The following MMP26 variants were observed in gnomAD, a reference collection of about 807,000 sequenced individuals.
MMP26 encodes matrix metalloproteinase-26.
A neutral mutation model predicts 31.0 loss-of-function variants in MMP26; 33 were observed. The ratio of observed to expected loss-of-function variants is 1.06; its 90% CI spans 0.81 to 1.42. MMP26 has a LOEUF of 1.42. MMP26 is among the 40% of genes most tolerant of loss of function. The probability of loss-of-function intolerance (pLI) is 0.00; values close to 1 mark genes in which losing one functional copy is unlikely to be tolerated. For missense variants in MMP26, 347 were observed against 316.1 expected, an observed-to-expected ratio of 1.10 and a Z score of -0.74; for synonymous variants, 122 against 114.9, an observed-to-expected ratio of 1.06 and a Z score of -0.40.
rs75537297 is a variant in MMP26, at chr11:4,955,356, T to C, written c.-144-32712T>C. 3.2e-4 allele frequency: 375 copies of C among 1,189,522 alleles called. No homozygotes were observed. In the African/African-American group the frequency reaches 4.9e-3, roughly 16 times the overall value. 73.7% of individuals were successfully genotyped at this position (1,189,522 alleles called of 1,614,324 possible). ...ATGGCTAGGAATCTATCAAATGACATGATCAGGAGGACTGAGGACTCCAGT... is the reference window on the plus strand; with the variant it reads ...ATGGCTAGGAATCTATCAAATGACACGATCAGGAGGACTGAGGACTCCAGT... On this transcript the variant is annotated intron_variant, in intron 2 of 7. Coordinates refer to ENST00000380390, the MANE Select transcript of MMP26 (RefSeq NM_021801.5).
chr11:4,760,054 G>T (rs916402403), intron 1 of MMP26, among the ~76,000 whole-genome samples: 1 of 152,206 alleles, frequency 6.6e-6, no homozygotes, highest in Non-Finnish European at 1.5e-5. Flanking sequence ...ATTAGTAAGA[G>T]TACTCAAGAT....
intron 1 of MMP26, chr11:4,709,816 T>A (rs1156314170): frequency 4.4e-6 from 2 of 457,376 alleles, no homozygotes; most frequent in African/African-American, 4.0e-5. Flanking sequence ...TTGACCACCA[T>A]GCTGGGTATT....
At chr11:4,952,741 T>G (rs1271527479) in intron 2 of MMP26, among the ~76,000 whole-genome samples, 1 of 125,224 alleles carries the variant, frequency 8.0e-6, no homozygotes, top group African/African-American at 2.7e-5. Context: ...AAAAAACCCT[T>G]TATAAAAAGC....
At chr11:4,864,529 T>A (rs35645910) in intron 2 of MMP26, among the ~76,000 whole-genome samples, 1 of 152,134 alleles carries the variant, frequency 6.6e-6, no homozygotes, top group Non-Finnish European at 1.5e-5. Context: ...GGTTATTCAT[T>A]TATTTTTAAT....
chr11:4,988,020 A>G, intron 2 of MMP26, 48 bp from the exon 3 acceptor site: 1 of 624,752 alleles, frequency 1.6e-6, no homozygotes, highest in Non-Finnish European at 2.9e-6. Flanking sequence ...AATAAATTCC[A>G]TGGCTGCTTT....
chr11:4,786,002 T>A (rs1417211783), intron 2 of MMP26, among the ~76,000 whole-genome samples: 2 of 152,186 alleles, frequency 1.3e-5, no homozygotes, highest in African/African-American at 4.8e-5. Context: ...TTTATTTATT[T>A]ATTTTTTCTC....
chr11:4,811,781 A>G (rs776847041), intron 2 of MMP26, among the ~76,000 whole-genome samples: 2 of 152,146 alleles, frequency 1.3e-5, no homozygotes, highest in Non-Finnish European at 2.9e-5. Flanking sequence ...CTAAGCAGGC[A>G]TGACCCGGGC....
At position 4,787,993 on chromosome 11, in the gene MMP26, T is replaced by G. The variant is rs147297990; in HGVS notation, c.-145+20652T>G. 4.7e-4 allele frequency among the ~76,000 whole-genome samples: 71 copies of G among 152,284 alleles called. 1 individual carries two copies. The East Asian group carries it at 0.013, about 28-fold the overall frequency. On this transcript the variant is annotated intron_variant, in intron 2 of 7. Transcript: ENST00000380390. ...TAGTTTAAGATAAAAAATCTGGAAT[T>G]TATATCCACAGCTATTGTCTCAAAA...
intron 2 of MMP26, among the ~76,000 whole-genome samples, chr11:4,974,193 C>T (rs780229895): frequency 4.0e-5 from 6 of 151,860 alleles, no homozygotes; most frequent in Non-Finnish European, 8.8e-5. Context: ...TACAGGCGAA[C>T]ATTATCCAAC....
chr11:4,769,843 G>C, intron 2 of MMP26: 1 of 1,612,838 alleles, frequency 6.2e-7, no homozygotes, highest in South Asian at 1.1e-5. Context: ...TCCAGACATG[G>C]GCAGACTCTA....
At chr11:4,970,432 TTCAGTTAAC>T (rs1846649954) in intron 2 of MMP26, among the ~76,000 whole-genome samples, 1 of 152,234 alleles carries the variant, frequency 6.6e-6, no homozygotes, top group South Asian at 2.1e-4. Context: ...CCAGTCTATT[TTCAGTTAAC>T]CCTTTCCCCC....
At chr11:4,886,744 C>T (rs1466554169) in intron 2 of MMP26, among the ~76,000 whole-genome samples, 1 of 92,402 alleles carries the variant, frequency 1.1e-5, no homozygotes, top group Non-Finnish European at 3.3e-5. Context: ...GACAGACAGC[C>T]TGTTGGCAAA....
chr11:4,834,983 C>T (rs1357638495), intron 2 of MMP26, among the ~76,000 whole-genome samples: 1 of 151,738 alleles, frequency 6.6e-6, no homozygotes, highest in African/African-American at 2.4e-5. Flanking sequence ...AGTAGTAGAC[C>T]TATATTCCCC....
At position 4,944,221 on chromosome 11, in the gene MMP26, G is replaced by A. The variant is rs985711663; in HGVS notation, c.-144-43847G>A. Reference sequence around the variant, plus strand: ...CTAGGATAGGTTTGTGAAAACATACGTAGTCCTGAATTTAAAAACTAAAAT... The same window carrying A: ...CTAGGATAGGTTTGTGAAAACATACATAGTCCTGAATTTAAAAACTAAAAT... On this transcript the variant is annotated intron_variant, in intron 2 of 7. Transcript: ENST00000380390. The A allele has an allele frequency of 1.1e-4, 42 of 387,858 alleles. 3 individuals are homozygous for A. Among genetic ancestry groups the A allele is most frequent in the South Asian group, 3.3e-4 (17 of 51,784 alleles). The allele number at this position is 387,858 out of a possible 1,614,324, so 24.0% of individuals were successfully genotyped here. A position where few individuals can be genotyped will look rare whatever the true frequency, so the allele number is the denominator to read the frequency against.
chr11:4,796,709 T>C (rs1589903240), intron 2 of MMP26, among the ~76,000 whole-genome samples: 2 of 152,248 alleles, frequency 1.3e-5, no homozygotes, highest in East Asian at 1.9e-4. Context: ...AGGGTGGGAA[T>C]TTCTCCAGTC....
chr11:4,871,605 C>T (rs901608352), intron 2 of MMP26: 10 of 152,196 alleles, frequency 6.6e-5, no homozygotes, highest in African/African-American at 2.2e-4. Flanking sequence ...GGGGCATCTC[C>T]AGGAAGTCAC....
chr11:4,911,812 T>C (rs1396970164), intron 2 of MMP26, among the ~76,000 whole-genome samples: 1 of 152,186 alleles, frequency 6.6e-6, no homozygotes, highest in Non-Finnish European at 1.5e-5. Flanking sequence ...AGTTAATCAT[T>C]TACTGTGCTG....
At position 4,782,609 on chromosome 11, in the gene MMP26, A is replaced by T. The variant is rs1355596443; in HGVS notation, c.-145+15268A>T. 4.6e-5 allele frequency among the ~76,000 whole-genome samples: 7 copies of T among 152,154 alleles called. No individual in the cohort carries two copies. The South Asian group carries it at 1.2e-3, about 27-fold the overall frequency. ...GCCAGCTGCACAAATTTGCATAAGT[A>T]AGAAGGAGCCAAATGTTAATTCCCA... On this transcript the variant is annotated intron_variant, in intron 2 of 7. Transcript: ENST00000380390.
At chr11:4,980,289 G>A (rs1017840816) in intron 2 of MMP26, among the ~76,000 whole-genome samples, 1 of 152,016 alleles carries the variant, frequency 6.6e-6, no homozygotes, top group Non-Finnish European at 1.5e-5. Flanking sequence ...GATAGCTGTA[G>A]TTTATTTATG....
Sources: allele counts gnomAD v4.1 joint callset (sites outside exome capture counted in the v4.1 genomes callset), GRCh38; gene constraint gnomAD v4.1.1; transcripts MANE v1.5; gene names NCBI Gene and HGNC (gene_info 2026-07-23, HGNC 2026-07-21).